Variants in GNA14 observed in about 807,000 individuals in gnomAD.
The protein encoded by GNA14 is G protein subunit alpha 14.
A neutral mutation model predicts 42.0 loss-of-function variants in GNA14; 50 were observed. The ratio of observed to expected loss-of-function variants is 1.19; its 90% CI spans 0.95 to 1.51. The LOEUF is 1.51. Among genes scored for constraint, GNA14 ranks in the 40% most tolerant of loss-of-function variants. GNA14 has a pLI of 0.00. For synonymous variants in GNA14, 173 were observed against 163.1 expected, an observed-to-expected ratio of 1.06 and a Z score of -0.46; for missense variants, 473 against 446.2, an observed-to-expected ratio of 1.06 and a Z score of -0.54.
chr9:77,577,532 C>T (rs2440232), intron 1 of GNA14, among the ~76,000 whole-genome samples: 119,964 of 152,092 alleles, frequency 0.79, 48,029 homozygotes, highest in African/African-American at 0.92. Flanking sequence ...GGTGGGGCAG[C>T]CCTCCCTCTA....
At chr9:77,441,004 C>T (rs956752287) in intron 2 of GNA14, among the ~76,000 whole-genome samples, 1 of 152,194 alleles carries the variant, frequency 6.6e-6, no homozygotes, top group Non-Finnish European at 1.5e-5. Flanking sequence ...GCGTGAGCCA[C>T]CGCGCCCAGC....
intron 2 of GNA14, among the ~76,000 whole-genome samples, chr9:77,480,185 G>A (rs1203179598): frequency 2.0e-5 from 3 of 152,128 alleles, no homozygotes; most frequent in African/African-American, 7.2e-5. Context: ...TTGGCTGTGG[G>A]TTTGTCATAG....
intron 5 of GNA14, 128 bp downstream of exon 5, chr9:77,428,779 G>A (rs538740071): frequency 4.4e-6 from 4 of 918,124 alleles, no homozygotes; most frequent in East Asian, 4.9e-5. Context: ...TGGTCCACAG[G>A]TCACACTTTG....
intron 1 of GNA14, among the ~76,000 whole-genome samples, chr9:77,553,701 C>G (rs1053481638): frequency 3.3e-5 from 5 of 151,880 alleles, no homozygotes; most frequent in African/African-American, 1.2e-4. Context: ...GTGTGCACAG[C>G]AAGATGAAGA....
intron 2 of GNA14, among the ~76,000 whole-genome samples, chr9:77,484,636 T>C (rs1364994556): frequency 2.0e-5 from 3 of 152,148 alleles, no homozygotes; most frequent in Non-Finnish European, 4.4e-5. Flanking sequence ...AGTTGTCCCC[T>C]TTATCCATGG....
intron 1 of GNA14, among the ~76,000 whole-genome samples, chr9:77,606,889 T>A (rs899958678): frequency 6.6e-6 from 1 of 152,088 alleles, no homozygotes; most frequent in Non-Finnish European, 1.5e-5. Context: ...GACGCCAGGT[T>A]GGGATTTATC....
chr9:77,455,999 T>G (rs1341978988), intron 2 of GNA14, among the ~76,000 whole-genome samples: 1 of 152,186 alleles, frequency 6.6e-6, no homozygotes, highest in South Asian at 2.1e-4. Context: ...CTCTAATGTG[T>G]TGTATAAGGA....
chr9:77,603,969 A>C (rs575461236), intron 1 of GNA14, among the ~76,000 whole-genome samples: 78 of 149,480 alleles, frequency 5.2e-4, no homozygotes, highest in African/African-American at 9.1e-4. Flanking sequence ...AAAAAAAAAA[A>C]AAAAAAAAAA....
At chr9:77,490,447 G>A (rs560338831) in intron 2 of GNA14, among the ~76,000 whole-genome samples, 45 of 152,358 alleles carry the variant, frequency 3.0e-4, no homozygotes, top group African/African-American at 1.0e-3. Flanking sequence ...AGCATTCGTC[G>A]GGGAGGCTCA....
intron 1 of GNA14, among the ~76,000 whole-genome samples, chr9:77,608,499 G>T (rs1298006610): frequency 6.6e-6 from 1 of 152,156 alleles, no homozygotes; most frequent in Non-Finnish European, 1.5e-5. Context: ...CTCTAAGGGA[G>T]AATGAAGTCA....
chr9:77,529,791 A>C (rs1327446040), intron 1 of GNA14, among the ~76,000 whole-genome samples: 1 of 152,200 alleles, frequency 6.6e-6, no homozygotes, highest in Admixed American at 6.5e-5. Context: ...CAACACTTGC[A>C]CATGGCGGCC....
chr9:77,618,609 TATATATA>T (rs1564067828), intron 1 of GNA14, among the ~76,000 whole-genome samples: 7 of 14,670 alleles, frequency 4.8e-4, no homozygotes, highest in Non-Finnish European at 7.4e-4. Context: ...TATATATATA[TATATATA>T]TATATTTTTT....
chr9:77,499,431 T>A (rs1295363774), intron 2 of GNA14, among the ~76,000 whole-genome samples: 1 of 151,786 alleles, frequency 6.6e-6, no homozygotes, highest in East Asian at 1.9e-4. Context: ...AAGAATTGAA[T>A]ATGGTACCTT....
chr9:77,526,280 G>A (rs556908280), intron 2 of GNA14, among the ~76,000 whole-genome samples: 31 of 152,094 alleles, frequency 2.0e-4, no homozygotes, highest in African/African-American at 3.9e-4. Context: ...GGAATGGGTT[G>A]ACTTTTAGGG....
At chr9:77,593,730 C>T (rs1823423463) in intron 1 of GNA14, among the ~76,000 whole-genome samples, 1 of 152,216 alleles carries the variant, frequency 6.6e-6, no homozygotes, top group South Asian at 2.1e-4. Context: ...GCTGTCACAA[C>T]ACATCCTGCA....
chr9:77,424,734 G>A (rs912679101), intron 6 of GNA14, among the ~76,000 whole-genome samples: 9 of 152,028 alleles, frequency 5.9e-5, no homozygotes, highest in Non-Finnish European at 1.5e-5. Flanking sequence ...TGTCTGATTT[G>A]GACCACTATT....
chr9:77,428,715 T>C (rs954888258), intron 5 of GNA14, among the ~76,000 whole-genome samples, 192 bp downstream of exon 5: 5 of 152,162 alleles, frequency 3.3e-5, no homozygotes, highest in Admixed American at 6.6e-5. Context: ...TTGGTCGGGG[T>C]TGATTCAGTA....
At chr9:77,465,823 T>C (rs1347572222) in intron 2 of GNA14, among the ~76,000 whole-genome samples, 1 of 152,144 alleles carries the variant, frequency 6.6e-6, no homozygotes, top group African/African-American at 2.4e-5. Flanking sequence ...CCCAGGCTGG[T>C]CTTGACCTCC....
At chr9:77,430,540 G>A (rs1314121066) in intron 4 of GNA14, among the ~76,000 whole-genome samples, 1 of 152,080 alleles carries the variant, frequency 6.6e-6, no homozygotes, top group Non-Finnish European at 1.5e-5. Context: ...CATGTTTGAG[G>A]GGCTGGACCT....
Sources: allele counts gnomAD v4.1 joint callset (sites outside exome capture counted in the v4.1 genomes callset), GRCh38; gene constraint gnomAD v4.1.1; transcripts MANE v1.5; gene names NCBI Gene and HGNC (gene_info 2026-07-23, HGNC 2026-07-21).